Variants in ERP29 observed in about 807,000 individuals in gnomAD.
The protein encoded by ERP29 is endoplasmic reticulum resident protein 29.
A neutral mutation model predicts 21.7 loss-of-function variants in ERP29; 14 were observed. The observed-to-expected ratio is 0.64, with a 90% CI of 0.43 to 1.01. ERP29 has a LOEUF of 1.01. ERP29 is among the 50% of genes least tolerant of loss of function. The probability of loss-of-function intolerance (pLI) is 0.00; values close to 1 mark genes in which losing one functional copy is unlikely to be tolerated. For synonymous variants in ERP29, 129 were observed against 139.1 expected (o/e 0.93, Z 0.51); for missense variants, 286 against 327.3 (o/e 0.87, Z 0.97).
At chr12:112,013,683 C>T (rs2077961870) in intron 1 of ERP29, 74 bp downstream of exon 1, 14 of 1,439,202 alleles carry the variant, frequency 9.7e-6, no homozygotes, top group Non-Finnish European at 1.3e-5. Context: ...TGGGGAGACG[C>T]TGGATTCCGG....
In ERP29 at chr12:112,019,737, C is replaced by T. The variant is rs776234793; in HGVS notation, c.145-19C>T. 3 of 1,613,956 alleles carry T rather than the reference C, an allele frequency of 1.9e-6. No individual in the cohort carries two copies. The East Asian group carries it at 6.7e-5, about 36-fold the overall frequency. On this transcript the variant is annotated intron_variant, in intron 1 of 2. Coordinates refer to ENST00000261735, the MANE Select transcript of ERP29 (RefSeq NM_006817.4). ...AAAGTCCCTGGAACACCCACTTGCT[C>T]AGCTCTATACGCCCTCAGGTCATTC... is the stretch of plus-strand genomic sequence containing the variant.
chr12:112,013,647 G>T, intron 1 of ERP29, 38 bp downstream of exon 1: 1 of 1,503,488 alleles, frequency 6.7e-7, no homozygotes, highest in Non-Finnish European at 8.9e-7. Context: ...AGGTGCCGCC[G>T]GGGCGCCCGG....
chr12:112,020,319 C>T (rs2078038219), intron 2 of ERP29, among the ~76,000 whole-genome samples: 1 of 152,136 alleles, frequency 6.6e-6, no homozygotes, highest in Non-Finnish European at 1.5e-5. Flanking sequence ...ACTGATGCCA[C>T]CACTAATCCA....
At position 112,022,965 on chromosome 12, in the gene ERP29, A is replaced by G; in HGVS notation, c.*313A>G. ...GACAGATGTAATTCTCATTCAATTA[A>G]AGTTTCAGTGTTTTGGTTAAGTGGA... On this transcript the variant is annotated 3_prime_UTR_variant, in exon 3 of 3. Transcript: ENST00000261735. 3.9e-6 allele frequency: 1 copy of G among 254,394 alleles called. No individual in the cohort carries two copies. Among genetic ancestry groups the G allele is most frequent in the Non-Finnish European group, 7.5e-6 (1 of 133,760 alleles). The allele number at this position is 254,394 out of a possible 1,614,324, so 15.8% of individuals were successfully genotyped here.
At chr12:112,022,086 C>T (rs1189439619) in intron 2 of ERP29, 64 bp from the exon 3 acceptor site, 3 of 1,549,826 alleles carry the variant, frequency 1.9e-6, no homozygotes, top group African/African-American at 1.4e-5. Context: ...AGCTAGGTCC[C>T]ATAGCAATTT....
intron 2 of ERP29, among the ~76,000 whole-genome samples, chr12:112,020,308 C>T (rs965503268): frequency 1.3e-5 from 2 of 152,148 alleles, no homozygotes; most frequent in African/African-American, 4.8e-5. Context: ...AGCTCAAATG[C>T]ACTGATGCCA....
At chr12:112,017,172 G>C (rs2078016894) in intron 1 of ERP29, among the ~76,000 whole-genome samples, 1 of 152,128 alleles carries the variant, frequency 6.6e-6, no homozygotes. Context: ...TCAGAGTATT[G>C]TTCATTCATC....
chr12:112,022,438 T>G lies in ERP29; in HGVS notation c.572T>G (p.Val191Gly). ...LKQGQDNLSS[V>G]KETQKKWAEQ... ...CAGGGGCAAGATAACCTCTCAAGTG[T>G]GAAGGAGACTCAGAAGAAGTGGGCC... Residue 191 changes from valine (V) to glycine (G), a missense_variant, in exon 3 of 3, where the codon GTG becomes GGG. Physicochemically the swap from Val to Gly is moderately radical, Grantham distance 109. Transcript: ENST00000261735. 6.2e-7 allele frequency: 1 copy of G among 1,614,030 alleles called. No individual in the cohort carries two copies. The highest frequency in any genetic ancestry group is 8.5e-7 in the Non-Finnish European group (1 of 1,179,990).
chr12:112,015,579 C>T (rs1233282405), intron 1 of ERP29, among the ~76,000 whole-genome samples: 1 of 152,080 alleles, frequency 6.6e-6, no homozygotes, highest in Non-Finnish European at 1.5e-5. Context: ...GGGGCCTTTA[C>T]TGGCAAAATG....
intron 1 of ERP29, 43 bp downstream of exon 1, chr12:112,013,652 G>GC: frequency 6.7e-7 from 1 of 1,495,348 alleles, no homozygotes; most frequent in Non-Finnish European, 8.9e-7. Flanking sequence ...CCGCCGGGGC[G>GC]CCCGGAAGAG....
In ERP29 at chr12:112,022,785, G is replaced by A. The variant is rs1565989989; in HGVS notation, c.*133G>A. Reference sequence around the variant, plus strand: ...ACTAACCCACGATTCTGAGCCCTGAGTATGCCTGGACATTGATGCTAACAT... The same window carrying A: ...ACTAACCCACGATTCTGAGCCCTGAATATGCCTGGACATTGATGCTAACAT... On this transcript the variant is annotated 3_prime_UTR_variant, in exon 3 of 3. Coordinates refer to ENST00000261735, the MANE Select transcript of ERP29 (RefSeq NM_006817.4). 4.6e-6 allele frequency: 4 copies of A among 866,050 alleles called. No individual in the cohort carries two copies. Among genetic ancestry groups the A allele is most frequent in the Non-Finnish European group, 3.5e-6 (2 of 569,526 alleles). The allele number at this position is 866,050 out of a possible 1,614,324, so 53.6% of individuals were successfully genotyped here.
chr12:112,022,133 C>G lies in ERP29; in HGVS notation c.284-17C>G, dbSNP rs1419603181. ...TTCCTTATGGTCTTGCTTTTTGTGT[C>G]TGGTTTCTGCTCACAGATTATGGTG... On this transcript the variant is annotated splice_polypyrimidine_tract_variant and intron_variant, in intron 2 of 2. Transcript: ENST00000261735. 6.2e-7 allele frequency: 1 copy of G among 1,612,148 alleles called. No individual in the cohort carries two copies.
intron 1 of ERP29, 151 bp downstream of exon 1, chr12:112,013,760 C>A: frequency 1.2e-6 from 1 of 839,624 alleles, no homozygotes; most frequent in Non-Finnish European, 1.8e-6. Context: ...GCCTAGTGGA[C>A]TCTGAGCGGA....
intron 1 of ERP29, among the ~76,000 whole-genome samples, chr12:112,016,227 C>T (rs557284123): frequency 5.9e-5 from 9 of 152,218 alleles, no homozygotes; most frequent in African/African-American, 2.2e-4. Context: ...AATGAACAAA[C>T]GTTTTCTCCA....
Position 112,022,661 on chromosome 12 carries a change from T to C in ERP29, c.*9T>C. ...AGAAAGAGGAGCTGTAAAAAGGCTG[T>C]CTGTGATTTTCCAGGGTTTGGTGGG... On this transcript the variant is annotated 3_prime_UTR_variant, in exon 3 of 3. Coordinates refer to ENST00000261735, the MANE Select transcript of ERP29 (RefSeq NM_006817.4). 6.3e-7 allele frequency: 1 copy of C among 1,592,952 alleles called. No homozygotes were observed. The highest frequency in any genetic ancestry group is 1.7e-5 in the Admixed American group (1 of 58,180).
At position 112,013,428 on chromosome 12, in the gene ERP29, T is replaced by C. The variant is rs201389565; in HGVS notation, c.-38T>C. ...ACCGCTGACTCGGGGCGTTCTCCAC[T>C]ATCGCTTACCTACCTCCCTCTGCAG... On this transcript the variant is annotated 5_prime_UTR_variant, in exon 1 of 3. Coordinates refer to ENST00000261735, the MANE Select transcript of ERP29 (RefSeq NM_006817.4). The C allele has an allele frequency of 2.9e-4, 453 of 1,586,070 alleles. No homozygotes were observed. The highest frequency in any genetic ancestry group is 2.8e-4 in the Non-Finnish European group (323 of 1,166,876).
chr12:112,019,576 C>T, intron 1 of ERP29, 180 bp from the exon 2 acceptor site: 1 of 700,386 alleles, frequency 1.4e-6, no homozygotes. Context: ...CTGCATGTTG[C>T]TGGCACTCAC....
chr12:112,016,293 T>C (rs1009659668), intron 1 of ERP29, among the ~76,000 whole-genome samples: 4 of 152,228 alleles, frequency 2.6e-5, no homozygotes, highest in African/African-American at 4.8e-5. Flanking sequence ...AATGTACTAG[T>C]GTTCTGTCTG....
chr12:112,019,999 C>G, intron 2 of ERP29, 105 bp downstream of exon 2: 2 of 1,388,364 alleles, frequency 1.4e-6, no homozygotes, highest in Non-Finnish European at 2.0e-6. Context: ...CTGAGCCACT[C>G]TCAAGGAGTG....
Sources: allele counts gnomAD v4.1 joint callset (sites outside exome capture counted in the v4.1 genomes callset), GRCh38; gene constraint gnomAD v4.1.1; transcripts MANE v1.5; gene names NCBI Gene and HGNC (gene_info 2026-07-23, HGNC 2026-07-21).